Variants in RREB1 observed in about 807,000 individuals in gnomAD.
The protein encoded by RREB1 is ras responsive element binding protein 1, also known as ras-responsive element-binding protein 1.
A neutral mutation model predicts 117.8 loss-of-function variants in RREB1; 27 were observed. The observed-to-expected ratio is 0.23, with a 90% confidence interval of 0.17 to 0.32. The LOEUF is 0.32. RREB1 is among the 10% of genes least tolerant of loss of function. The pLI is 1.00. For missense variants in RREB1, 2,577 were observed against 2,378.2 expected, an observed-to-expected ratio of 1.08 and a Z score of -1.74; for synonymous variants, 1,298 against 1,026.7, an observed-to-expected ratio of 1.26 and a Z score of -5.05.
chr6:7,246,932 T>A lies in RREB1; in HGVS notation c.4482T>A (p.Pro1494=), dbSNP rs116502797. Residue 1494 remains proline, a synonymous_variant, in exon 12 of 13, where the codon CCT becomes CCA. Coordinates refer to ENST00000379938, the MANE Select transcript of RREB1 (RefSeq NM_001003699.4). ...CAGAGGAGGGGCCCCAGCCCGCCCC[T>A]GAACAGGAGGAGAAGCCCCCCGAGA... ...STAEEGPQPA[P]EQEEKPPETP... 1.0e-4 allele frequency: 155 copies of A among 1,557,234 alleles called. No individual in the cohort carries two copies. The East Asian group carries it at 2.8e-3, about 28-fold the overall frequency.
At chr6:7,150,191 A>G (rs1016845721) in intron 1 of RREB1, among the ~76,000 whole-genome samples, 2 of 152,090 alleles carry the variant, frequency 1.3e-5, no homozygotes, top group Non-Finnish European at 2.9e-5. Context: ...AATACCTGCT[A>G]CTGGTTCTCA....
chr6:7,169,042 T>A (rs143985934), intron 1 of RREB1, among the ~76,000 whole-genome samples: 198 of 152,372 alleles, frequency 1.3e-3, no homozygotes, highest in African/African-American at 4.6e-3. Flanking sequence ...GGAAAAAATA[T>A]AATTGGATGC....
intron 1 of RREB1, among the ~76,000 whole-genome samples, chr6:7,155,397 C>T (rs1485921745): frequency 1.3e-5 from 2 of 152,234 alleles, no homozygotes; most frequent in Non-Finnish European, 2.9e-5. Context: ...ACTTCCGTCT[C>T]CCGGGTTTAA....
At chr6:7,144,794 T>TA (rs1762785220) in intron 1 of RREB1, among the ~76,000 whole-genome samples, 1 of 152,226 alleles carries the variant, frequency 6.6e-6, no homozygotes, top group African/African-American at 2.4e-5. Context: ...GTAAACATCT[T>TA]ACAGCAACCA....
chr6:7,201,908 C>T (rs892012650), intron 6 of RREB1, among the ~76,000 whole-genome samples: 3 of 152,138 alleles, frequency 2.0e-5, no homozygotes, highest in Non-Finnish European at 4.4e-5. Flanking sequence ...CTGTTCCTCC[C>T]TCGACATCTC....
Position 7,246,456 on chromosome 6 carries a change from G to A in RREB1, c.4006G>A (p.Ala1336Thr), listed in dbSNP as rs1008102232. 4.6e-6 allele frequency: 7 copies of A among 1,508,500 alleles called. No homozygotes were observed. Among genetic ancestry groups the A allele is most frequent in the East Asian group, 2.5e-5 (1 of 40,612 alleles). The allele number at this position is 1,508,500 out of a possible 1,614,324, so 93.4% of individuals were successfully genotyped here. ...GTCGGATGCGGAGACTGCAGCCGCCGCGGGCGAAGTGCTAGACCTCACCTC... is the reference window on the plus strand; with the variant it reads ...GTCGGATGCGGAGACTGCAGCCGCCACGGGCGAAGTGCTAGACCTCACCTC... ...SQSDAETAAA[A>T]GEVLDLTSRD... Residue 1336 changes from alanine (A) to threonine (T), a missense_variant, in exon 12 of 13, where the codon GCG becomes ACG. By Grantham distance (58) the Ala-to-Thr change is moderately conservative. Transcript: ENST00000379938.
At chr6:7,234,951 T>C (rs545089732) in intron 10 of RREB1, among the ~76,000 whole-genome samples, 18 of 152,324 alleles carry the variant, frequency 1.2e-4, no homozygotes, top group Non-Finnish European at 2.2e-4. Flanking sequence ...CTCCCTGTGT[T>C]CCCACATGTC....
Position 7,230,342 on chromosome 6 carries a change from T to A in RREB1, c.2243T>A (p.Phe748Tyr). The change falls in exon 10 of 13, where the codon TTC (phenylalanine) becomes TAC (tyrosine). Residue 748 changes from phenylalanine to tyrosine, a missense_variant. Phe to Tyr is a conservative substitution (Grantham distance 22). Transcript: ENST00000379938. The part of the protein sequence containing the change: ...SSSAAELVDA[F>Y]CAPDTVCRLC... Reference sequence around the variant, plus strand: ...AGCGCGGCCGAGCTGGTGGACGCCTTCTGCGCCCCGGACACCGTGTGCCGG... The same window carrying A: ...AGCGCGGCCGAGCTGGTGGACGCCTACTGCGCCCCGGACACCGTGTGCCGG... 1.3e-6 allele frequency: 2 copies of A among 1,590,548 alleles called. No individual in the cohort carries two copies. The highest frequency in any genetic ancestry group is 1.7e-6 in the Non-Finnish European group (2 of 1,173,522).
chr6:7,148,680 A>G (rs183624267), intron 1 of RREB1, among the ~76,000 whole-genome samples: 30 of 152,294 alleles, frequency 2.0e-4, no homozygotes, highest in Non-Finnish European at 2.8e-4. Flanking sequence ...GAAACAGGGA[A>G]GTTTGAAAGA....
intron 1 of RREB1, among the ~76,000 whole-genome samples, chr6:7,166,133 C>T (rs929273022): frequency 2.0e-5 from 3 of 152,134 alleles, no homozygotes; most frequent in Non-Finnish European, 2.9e-5. Flanking sequence ...CCTCACACTT[C>T]CTCCAGGACT....
At chr6:7,132,604 G>A (rs957277295) in intron 1 of RREB1, among the ~76,000 whole-genome samples, 5 of 152,242 alleles carry the variant, frequency 3.3e-5, no homozygotes, top group Non-Finnish European at 7.3e-5. Context: ...TTTCACAGGT[G>A]GCGATATTGA....
chr6:7,225,186 A>T (rs955904814), intron 8 of RREB1, among the ~76,000 whole-genome samples: 1 of 152,228 alleles, frequency 6.6e-6, no homozygotes, highest in African/African-American at 2.4e-5. Context: ...TGGCTAAAAC[A>T]GTGATAAAAG....
intron 1 of RREB1, among the ~76,000 whole-genome samples, chr6:7,125,638 A>G (rs1761872712): frequency 6.6e-6 from 1 of 152,170 alleles, no homozygotes; most frequent in Non-Finnish European, 1.5e-5. Context: ...GTTGTTTTAT[A>G]ATAGTTTATT....
At chr6:7,153,826 G>T (rs541827489) in intron 1 of RREB1, among the ~76,000 whole-genome samples, 3 of 152,210 alleles carry the variant, frequency 2.0e-5, no homozygotes, top group Admixed American at 2.0e-4. Context: ...TCCTCTGCAG[G>T]TCTGGCAGCT....
intron 8 of RREB1, chr6:7,213,867 CTAT>C (rs2113626182): frequency 6.6e-6 from 1 of 152,386 alleles, no homozygotes; most frequent in South Asian, 2.1e-4. Context: ...ACCTTAGAAA[CTAT>C]TATTTACCCC....
At chr6:7,204,364 T>C (rs958123079) in intron 6 of RREB1, among the ~76,000 whole-genome samples, 5 of 150,280 alleles carry the variant, frequency 3.3e-5, no homozygotes, top group Non-Finnish European at 7.4e-5. Context: ...TAGAACTTGA[T>C]TGGCATTACA....
At chr6:7,120,311 G>A (rs767980252) in intron 1 of RREB1, among the ~76,000 whole-genome samples, 5 of 152,046 alleles carry the variant, frequency 3.3e-5, no homozygotes, top group African/African-American at 9.7e-5. Context: ...AACCTTAGCC[G>A]GGCATGGTGG....
intron 1 of RREB1, among the ~76,000 whole-genome samples, chr6:7,134,365 C>T (rs1281043287): frequency 6.6e-6 from 1 of 152,218 alleles, no homozygotes; most frequent in Non-Finnish European, 1.5e-5. Flanking sequence ...TGTTCTCTTA[C>T]ATAGGGCACT....
Position 7,187,537 on chromosome 6 carries a change from GTTCTTTTATTTTATTTTATT to G in RREB1, c.261+17_261+36del, listed in dbSNP as rs1765145739. The G allele has an allele frequency of 9.2e-7, 1 of 1,084,394 alleles. No individual in the cohort carries two copies. The highest frequency in any genetic ancestry group is 1.7e-5 in the African/African-American group (1 of 60,254). 67.2% of individuals were successfully genotyped at this position (1,084,394 alleles called of 1,614,324 possible). ...CACATTCGCCAGGTAGATTCCCACT[GTTCTTTTATTTTATTTTATT>G]TTATTTTATTTTATTTTATTTTATT... On this transcript the variant is annotated intron_variant, in intron 5 of 12. Coordinates refer to ENST00000379938, the MANE Select transcript of RREB1 (RefSeq NM_001003699.4).
Sources: allele counts gnomAD v4.1 joint callset (sites outside exome capture counted in the v4.1 genomes callset), GRCh38; gene constraint gnomAD v4.1.1; transcripts MANE v1.5; gene names NCBI Gene and HGNC (gene_info 2026-07-23, HGNC 2026-07-21).